Variants in COBL observed in about 807,000 individuals in gnomAD.
COBL encodes the protein cordon-bleu WH2 repeat protein, also known as protein cordon-bleu.
A neutral mutation model predicts 98.8 loss-of-function variants in COBL; 51 were observed. The observed-to-expected ratio is 0.52, with a 90% CI of 0.41 to 0.65. The LOEUF (loss-of-function observed/expected upper bound fraction) is 0.65. COBL is among the 30% of genes least tolerant of loss of function. The pLI is 0.00. For synonymous variants in COBL, 634 were observed against 651.7 expected, an observed-to-expected ratio of 0.97 and a Z score of 0.41; for missense variants, 1,617 against 1,617.5, an observed-to-expected ratio of 1.00 and a Z score of 0.01.
chr7:51,221,753 T>C (rs1012190750), intron 1 of COBL, among the ~76,000 whole-genome samples: 44 of 152,370 alleles, frequency 2.9e-4, no homozygotes, highest in African/African-American at 1.0e-3. Context: ...AATTGTTCCA[T>C]AGTTATCACT....
chr7:51,044,998 G>A (rs1400726388), intron 7 of COBL, among the ~76,000 whole-genome samples: 1 of 152,182 alleles, frequency 6.6e-6, no homozygotes, highest in African/African-American at 2.4e-5. Context: ...CAGTGTAAAC[G>A]TACGAGGAGA....
intron 1 of COBL, among the ~76,000 whole-genome samples, chr7:51,313,947 C>T (rs1803299421): frequency 6.6e-6 from 1 of 152,190 alleles, no homozygotes; most frequent in African/African-American, 2.4e-5. Context: ...TTGCACACAG[C>T]CTCTTTCCTA....
chr7:51,083,069 G>C (rs1356311044), intron 7 of COBL: 17 of 1,536,048 alleles, frequency 1.1e-5, no homozygotes, highest in African/African-American at 1.4e-5. Flanking sequence ...TTTGGGTATC[G>C]GGTCTGAGGC....
At chr7:51,049,092 C>A (rs1311093798) in intron 7 of COBL, among the ~76,000 whole-genome samples, 1 of 152,152 alleles carries the variant, frequency 6.6e-6, no homozygotes, top group Admixed American at 6.5e-5. Flanking sequence ...TAATCTGTCA[C>A]AAAAATTATG....
intron 5 of COBL, among the ~76,000 whole-genome samples, chr7:51,157,993 C>T (rs1428958792): frequency 1.3e-5 from 2 of 152,160 alleles, no homozygotes; most frequent in African/African-American, 4.8e-5. Flanking sequence ...TTTCACTATA[C>T]TTCTTAAAAT....
At position 51,284,300 on chromosome 7, in the gene COBL, CA is replaced by C. The variant is rs554754924; in HGVS notation, c.41+32292del. 1.4e-4 allele frequency among the ~76,000 whole-genome samples: 19 copies of C among 140,700 alleles called. No homozygotes were observed. The East Asian group carries it at 1.4e-3, about 11-fold the overall frequency. The allele number at this position is 140,700 out of a possible 152,430, so 92.3% of individuals were successfully genotyped here. A position where few individuals can be genotyped will look rare whatever the true frequency, so the allele number is the denominator to read the frequency against. On this transcript the variant is annotated intron_variant, in intron 1 of 12. Coordinates refer to ENST00000265136, the MANE Select transcript of COBL (RefSeq NM_015198.5). ...TGGGCAACAGAGCAAGACTCCGTCTCAAAAAAAAAAGAAAAAAGAATAATAC... is the reference window on the plus strand; with the variant it reads ...TGGGCAACAGAGCAAGACTCCGTCTCAAAAAAAAAGAAAAAAGAATAATAC...
chr7:51,112,954 G>A (rs564219574), intron 6 of COBL, among the ~76,000 whole-genome samples: 10 of 152,210 alleles, frequency 6.6e-5, no homozygotes, highest in Non-Finnish European at 1.5e-5. Flanking sequence ...TCCTACAACC[G>A]AAAATAAATT....
At chr7:51,217,101 A>G (rs1793125173) in intron 2 of COBL, among the ~76,000 whole-genome samples, 1 of 152,246 alleles carries the variant, frequency 6.6e-6, no homozygotes, top group Non-Finnish European at 1.5e-5. Flanking sequence ...CTTAAGAAAG[A>G]TAACATTATT....
intron 1 of COBL, among the ~76,000 whole-genome samples, chr7:51,252,328 C>T (rs1197589837): frequency 6.6e-6 from 1 of 152,170 alleles, no homozygotes; most frequent in Non-Finnish European, 1.5e-5. Flanking sequence ...TTTTTATCAT[C>T]CCCAAAGGAA....
In COBL at chr7:51,148,888, G is replaced by C. The variant is rs544347712; in HGVS notation, c.784-12557C>G. ...CCAACCCCCTTATCATTTACTCTGT[G>C]TGTGTGTAAACATGTATACACATAT... is the stretch of plus-strand genomic sequence containing the variant. On this transcript the variant is annotated intron_variant, in intron 5 of 12. Coordinates refer to ENST00000265136, the MANE Select transcript of COBL (RefSeq NM_015198.5). 1.6e-4 allele frequency among the ~76,000 whole-genome samples: 25 copies of C among 151,976 alleles called. No individual in the cohort carries two copies. The South Asian group carries it at 5.0e-3, about 30-fold the overall frequency.
At chr7:51,076,107 G>A (rs1254754518) in intron 7 of COBL, among the ~76,000 whole-genome samples, 1 of 152,190 alleles carries the variant, frequency 6.6e-6, no homozygotes, top group Non-Finnish European at 1.5e-5. Flanking sequence ...CACCAGCCAA[G>A]GGCAAGAATG....
intron 5 of COBL, among the ~76,000 whole-genome samples, chr7:51,177,965 G>GCCAATA (rs1788561692): frequency 6.6e-6 from 1 of 152,044 alleles, no homozygotes; most frequent in Admixed American, 6.6e-5. Flanking sequence ...GGCCAATATG[G>GCCAATA]TGAAACCCGG....
At position 51,193,583 on chromosome 7, in the gene COBL, C is replaced by T. The variant is rs1437488; in HGVS notation, c.252G>A (p.Ala84=). The T allele has an allele frequency of 7.7e-3, 12,377 of 1,613,794 alleles. 751 individuals are homozygous for T. In the Admixed American group the frequency reaches 0.14, roughly 18 times the overall value. ...AAAGTTCAACCAGTAGGTCCATCAT[C>T]GCATGGCTGAAAAAAGGAAAACAAA... ...EKRSVLNGSH[A]MMDLLVELCL... is the part of the protein sequence containing the mutation. Residue 84 remains alanine (A), a synonymous_variant, in exon 3 of 13, where the codon GCG becomes GCA. Transcript: ENST00000265136.
At chr7:51,054,388 C>T (rs1790522770) in intron 7 of COBL, among the ~76,000 whole-genome samples, 1 of 152,208 alleles carries the variant, frequency 6.6e-6, no homozygotes, top group African/African-American at 2.4e-5. Context: ...TTTTGCTGTG[C>T]AGGCCTCTTC....
At chr7:51,144,170 T>C (rs143312509) in intron 5 of COBL, among the ~76,000 whole-genome samples, 205 of 152,236 alleles carry the variant, frequency 1.3e-3, no homozygotes, top group African/African-American at 4.6e-3. Flanking sequence ...ACTAAGCCGG[T>C]TAGGGAGGAA....
intron 3 of COBL, 133 bp from the exon 4 acceptor site, chr7:51,191,211 T>C (rs113102524): frequency 7.1e-6 from 5 of 704,404 alleles, no homozygotes; most frequent in African/African-American, 5.3e-5. Context: ...ATTGAGTGAG[T>C]AATGGGGGAA....
At chr7:51,052,853 CCTA>C (rs906190975) in intron 7 of COBL, among the ~76,000 whole-genome samples, 11 of 152,198 alleles carry the variant, frequency 7.2e-5, no homozygotes, top group African/African-American at 2.7e-4. Flanking sequence ...AAGTATGTGG[CCTA>C]CTTTTACTTA....
chr7:51,262,855 T>C (rs1456332895), intron 1 of COBL, among the ~76,000 whole-genome samples: 2 of 151,938 alleles, frequency 1.3e-5, no homozygotes, highest in Admixed American at 1.3e-4. Flanking sequence ...CAACCCCTGG[T>C]AGGAGGCAGG....
intron 7 of COBL, among the ~76,000 whole-genome samples, chr7:51,063,227 C>T (rs569812395): frequency 4.0e-5 from 6 of 151,680 alleles, no homozygotes; most frequent in Admixed American, 1.3e-4. Flanking sequence ...CTCCACCTCC[C>T]GGGTTCAAGC....
Sources: gnomAD v4.1 joint callset for allele counts (sites outside exome capture counted in the v4.1 genomes callset) on GRCh38, gnomAD v4.1.1 for gene constraint, MANE v1.5 for transcripts, NCBI Gene and HGNC (gene_info 2026-07-23, HGNC 2026-07-21) for gene names.